SYT1: variants seen among roughly 807,000 people sequenced by gnomAD.
SYT1 encodes the protein synaptotagmin-1.
A neutral mutation model predicts 44.8 loss-of-function variants in SYT1; 8 were observed. The observed-to-expected ratio is 0.18, with a 90% confidence interval of 0.10 to 0.32. The LOEUF (loss-of-function observed/expected upper bound fraction) is 0.32, where lower values mean the gene tolerates loss of function less well. Ranked by LOEUF, SYT1 falls within the 10% of genes least tolerant of loss-of-function variation. The pLI, the probability that SYT1 is intolerant of heterozygous loss-of-function variation, is 1.00. For synonymous variants in SYT1, 154 were observed against 188.8 expected (o/e 0.82, Z 1.51); for missense variants, 286 against 509.3 (o/e 0.56, Z 4.22).
intron 2 of SYT1, among the ~76,000 whole-genome samples, chr12:79,011,208 C>T (rs1363419196): frequency 6.6e-6 from 1 of 152,134 alleles, no homozygotes; most frequent in Non-Finnish European, 1.5e-5. Flanking sequence ...TTAACATTTA[C>T]TGCATATTTT....
At chr12:79,403,766 G>A (rs984345798) in intron 9 of SYT1, among the ~76,000 whole-genome samples, 8 of 152,134 alleles carry the variant, frequency 5.3e-5, no homozygotes, top group Non-Finnish European at 8.8e-5. Flanking sequence ...TCAGTATCAT[G>A]TGAGAATTGG....
At chr12:79,321,528 T>C (rs1471098630) in intron 8 of SYT1, among the ~76,000 whole-genome samples, 2 of 152,200 alleles carry the variant, frequency 1.3e-5, no homozygotes, top group Non-Finnish European at 2.9e-5. Flanking sequence ...TCTTCCTCTT[T>C]TAGTATGTTA....
At chr12:79,233,205 A>G (rs2138624248) in intron 4 of SYT1, among the ~76,000 whole-genome samples, 1 of 152,250 alleles carries the variant, frequency 6.6e-6, no homozygotes, top group South Asian at 2.1e-4. Context: ...TGTTTATTCC[A>G]AGTGGAGATC....
intron 9 of SYT1, among the ~76,000 whole-genome samples, chr12:79,378,770 TA>T (rs1366757586): frequency 2.6e-5 from 4 of 152,180 alleles, no homozygotes; most frequent in African/African-American, 9.6e-5. Flanking sequence ...CAGTAGTGAT[TA>T]ATCCGAGGAA....
intron 9 of SYT1, among the ~76,000 whole-genome samples, chr12:79,354,590 C>G (rs960986601): frequency 6.6e-6 from 1 of 152,146 alleles, no homozygotes; most frequent in Admixed American, 6.5e-5. Flanking sequence ...CTCCTGGTAC[C>G]TGAGTGTATT....
chr12:79,105,364 T>C (rs534979774), intron 3 of SYT1, among the ~76,000 whole-genome samples: 5 of 152,274 alleles, frequency 3.3e-5, no homozygotes, highest in Non-Finnish European at 7.4e-5. Flanking sequence ...AAGAACAGAA[T>C]TGAGTCCAGT....
At chr12:79,350,746 G>A (rs541880543) in intron 8 of SYT1, among the ~76,000 whole-genome samples, 26 of 152,218 alleles carry the variant, frequency 1.7e-4, no homozygotes, top group African/African-American at 6.0e-4. Context: ...CTAATTCTTA[G>A]GGCATTAGGG....
intron 4 of SYT1, among the ~76,000 whole-genome samples, chr12:79,222,810 C>T (rs2036361649): frequency 6.6e-6 from 1 of 151,990 alleles, no homozygotes; most frequent in Non-Finnish European, 1.5e-5. Context: ...ATTCTTTTTT[C>T]TTCTCTGACT....
At chr12:79,085,168 T>C (rs1391294064) in intron 3 of SYT1, among the ~76,000 whole-genome samples, 1 of 152,142 alleles carries the variant, frequency 6.6e-6, no homozygotes, top group Admixed American at 6.5e-5. Flanking sequence ...CATTCCTGAC[T>C]CTGAATTTAT....
chr12:79,173,055 T>C (rs924929276), intron 3 of SYT1, among the ~76,000 whole-genome samples: 1 of 130,876 alleles, frequency 7.6e-6, no homozygotes, highest in Non-Finnish European at 1.6e-5. Flanking sequence ...AAAAGGTATA[T>C]AAAACCTCTT....
chr12:79,442,174 T>C (rs571796500), intron 9 of SYT1, among the ~76,000 whole-genome samples: 1 of 152,308 alleles, frequency 6.6e-6, no homozygotes, highest in African/African-American at 2.4e-5. Context: ...ATATATAGTA[T>C]ATACATGTAT....
At chr12:79,066,233 T>C (rs569771616) in intron 3 of SYT1, among the ~76,000 whole-genome samples, 1 of 152,256 alleles carries the variant, frequency 6.6e-6, no homozygotes, top group South Asian at 2.1e-4. Flanking sequence ...GAATACATTT[T>C]ACCAGAAGCA....
At chr12:78,892,286 C>A (rs1222987548) in intron 1 of SYT1, among the ~76,000 whole-genome samples, 1 of 151,704 alleles carries the variant, frequency 6.6e-6, no homozygotes, top group African/African-American at 2.4e-5. Context: ...TACTACCTAC[C>A]ACTAATTTTT....
intron 9 of SYT1, among the ~76,000 whole-genome samples, chr12:79,389,462 T>G (rs1265756223): frequency 6.6e-6 from 1 of 152,218 alleles, no homozygotes; most frequent in Non-Finnish European, 1.5e-5. Flanking sequence ...AATCAGGCAC[T>G]GTGCTAAGAA....
At chr12:79,025,981 C>A (rs567895229) in intron 2 of SYT1, among the ~76,000 whole-genome samples, 1 of 151,522 alleles carries the variant, frequency 6.6e-6, no homozygotes, top group Non-Finnish European at 1.5e-5. Flanking sequence ...ATATAAGATA[C>A]TGAAAATAGA....
intron 9 of SYT1, among the ~76,000 whole-genome samples, chr12:79,356,064 G>A (rs1472697417): frequency 1.3e-5 from 2 of 151,764 alleles, no homozygotes; most frequent in African/African-American, 4.8e-5. Flanking sequence ...CTGAGTAGGT[G>A]GCATTTCCGC....
chr12:79,030,921 T>TA (rs1872789907), intron 2 of SYT1, among the ~76,000 whole-genome samples: 1 of 151,016 alleles, frequency 6.6e-6, no homozygotes, highest in African/African-American at 2.4e-5. Flanking sequence ...TCCTCAGAGA[T>TA]ATGTTATGTC....
At chr12:79,215,508 A>G (rs1278317468) in intron 3 of SYT1, among the ~76,000 whole-genome samples, 1 of 152,166 alleles carries the variant, frequency 6.6e-6, no homozygotes, top group Non-Finnish European at 1.5e-5. Context: ...TTATATTGGT[A>G]GCTAGTAATG....
At chr12:79,249,064 A>G (rs1310170023) in intron 4 of SYT1, among the ~76,000 whole-genome samples, 3 of 87,604 alleles carry the variant, frequency 3.4e-5, no homozygotes, top group East Asian at 3.4e-4. Flanking sequence ...TATGCAAATT[A>G]TTCCCTCTTC....
Sources: allele counts gnomAD v4.1 joint callset (sites outside exome capture counted in the v4.1 genomes callset), GRCh38; gene constraint gnomAD v4.1.1; transcripts MANE v1.5; gene names NCBI Gene and HGNC (gene_info 2026-07-23, HGNC 2026-07-21).